The following CALCOCO2 variants were observed in gnomAD, a reference collection of about 807,000 sequenced individuals.
CALCOCO2 encodes the protein calcium binding and coiled-coil domain 2.
CALCOCO2 carries 42 observed loss-of-function variants against 62.5 expected under a neutral mutation model. That is an observed-to-expected ratio of 0.67 (90% CI 0.53 to 0.87). The LOEUF (loss-of-function observed/expected upper bound fraction) is 0.87, where lower values mean the gene tolerates loss of function less well. CALCOCO2 is among the 40% of genes least tolerant of loss of function. The pLI, the probability that CALCOCO2 is intolerant of heterozygous loss-of-function variation, is 0.00. For missense variants in CALCOCO2, 456 were observed against 515.0 expected (o/e 0.89, Z 1.11); for synonymous variants, 167 against 173.0 (o/e 0.97, Z 0.27).
intron 1 of CALCOCO2, among the ~76,000 whole-genome samples, chr17:48,832,968 G>T (rs188082879): frequency 6.6e-6 from 1 of 152,132 alleles, no homozygotes; most frequent in East Asian, 1.9e-4. Flanking sequence ...AGTAATAAAG[G>T]CCTCCTGGGG....
chr17:48,857,985 A>AATAGGATAGGATAGGATAGGATAGG (rs2040247538), intron 10 of CALCOCO2, among the ~76,000 whole-genome samples: 1 of 17,430 alleles, frequency 5.7e-5, no homozygotes, highest in Non-Finnish European at 1.4e-4. Context: ...AATAGAATAG[A>AATAGGATAGGATAGGATAGGATAGG]ATAGAATAGA....
At chr17:48,862,780 C>G in intron 12 of CALCOCO2, 58 bp from the exon 13 acceptor site, 1 of 1,432,922 alleles carries the variant, frequency 7.0e-7, no homozygotes, top group Admixed American at 1.7e-5. Flanking sequence ...GACAGGATGG[C>G]CACATCTGTG....
intron 9 of CALCOCO2, among the ~76,000 whole-genome samples, chr17:48,854,604 C>T (rs1382785232): frequency 6.7e-6 from 1 of 149,762 alleles, no homozygotes; most frequent in Admixed American, 6.7e-5. Context: ...CGGGGTTTTG[C>T]CATGTTGGCT....
At chr17:48,845,745 G>A (rs200220804) in intron 2 of CALCOCO2, among the ~76,000 whole-genome samples, 119 of 118,944 alleles carry the variant, frequency 1.0e-3, no homozygotes, top group Middle Eastern at 4.5e-3. Context: ...AAAAAAAAAA[G>A]AAAAGAAAAG....
chr17:48,849,137 G>A (rs2040092077), intron 4 of CALCOCO2, 115 bp from the exon 5 acceptor site: 5 of 906,138 alleles, frequency 5.5e-6, no homozygotes, highest in Admixed American at 2.1e-5. Flanking sequence ...CCCCATCTGG[G>A]ATACATAGGT....
rs148291393 is a variant in CALCOCO2 at position 48,847,278 on chromosome 17, C to T, written c.181-786C>T. ...GTAGTATATCCAGGTTGGTATATGA[C>T]AAGGCTTAATTGGACACAATAGAGG... On this transcript the variant is annotated intron_variant, in intron 2 of 12. Transcript: ENST00000258947. 4.6e-5 allele frequency among the ~76,000 whole-genome samples: 7 copies of T among 151,940 alleles called. No homozygotes were observed. In the East Asian group the frequency reaches 1.4e-3, roughly 29 times the overall value.
At chr17:48,857,359 G>A (rs2040232794) in intron 10 of CALCOCO2, among the ~76,000 whole-genome samples, 1 of 151,514 alleles carries the variant, frequency 6.6e-6, no homozygotes, top group Admixed American at 6.6e-5. Flanking sequence ...CACCACGCCT[G>A]GCTAGTTTTG....
At chr17:48,838,118 C>G (rs992637871) in intron 1 of CALCOCO2, among the ~76,000 whole-genome samples, 5 of 151,806 alleles carry the variant, frequency 3.3e-5, no homozygotes, top group Non-Finnish European at 5.9e-5. Context: ...AATTCCTGTC[C>G]CTTTTAAGGG....
Position 48,865,212 on chromosome 17 carries a change from A to G in CALCOCO2, c.*2207A>G, listed in dbSNP as rs1310839303. 1 of 152,096 alleles carries G rather than the reference A, an allele frequency of 6.6e-6. No homozygotes were observed. Among genetic ancestry groups the G allele is most frequent in the Non-Finnish European group, 1.5e-5 (1 of 68,022 alleles). 9.4% of individuals were successfully genotyped at this position (152,096 alleles called of 1,614,324 possible). On this transcript the variant is annotated 3_prime_UTR_variant, in exon 13 of 13. Coordinates refer to ENST00000258947, the MANE Select transcript of CALCOCO2 (RefSeq NM_005831.5). ...TCTTACCAAGGCTTTGAAGGGGGAA[A>G]TTATGCTCTAGGCAGCCACTAGTAG...
intron 1 of CALCOCO2, among the ~76,000 whole-genome samples, chr17:48,839,209 A>G (rs1359828352): frequency 6.6e-6 from 1 of 151,524 alleles, no homozygotes; most frequent in African/African-American, 2.4e-5. Flanking sequence ...GGGTTTCACC[A>G]TGTTAGCCAG....
In CALCOCO2 at chr17:48,852,544, T is replaced by C; in HGVS notation, c.741T>C (p.Leu247=). The C allele has an allele frequency of 6.2e-7, 1 of 1,613,410 alleles. No individual in the cohort carries two copies. Among genetic ancestry groups the C allele is most frequent in the African/African-American group, 1.3e-5 (1 of 74,914 alleles). The part of the protein sequence containing the change: ...LSTQEKEMEK[L]VQGDQDKTEQ... ...CTCAAGAGAAAGAAATGGAGAAGCTTGTTCAGGGAGATCAAGATAAGACAG... is the reference window on the plus strand; with the variant it reads ...CTCAAGAGAAAGAAATGGAGAAGCTCGTTCAGGGAGATCAAGATAAGACAG... The change falls in exon 8 of 13, where the codon CTT becomes CTC. Residue 247 remains leucine (L), a synonymous_variant. Coordinates refer to ENST00000258947, the MANE Select transcript of CALCOCO2 (RefSeq NM_005831.5).
chr17:48,858,073 A>ATAGAATAGAAT (rs2040270370), intron 10 of CALCOCO2, among the ~76,000 whole-genome samples: 1 of 148,394 alleles, frequency 6.7e-6, no homozygotes, highest in Non-Finnish European at 1.5e-5. Context: ...ATAGAATAGA[A>ATAGAATAGAAT]TTTTACCATC....
chr17:48,854,382 T>A (rs8073521), intron 9 of CALCOCO2, among the ~76,000 whole-genome samples: 555 of 5,934 alleles, frequency 0.094, 63 homozygotes, highest in East Asian at 0.56. Context: ...TTTCTTTTAT[T>A]TATATATATA....
chr17:48,835,059 T>A (rs1041491440), intron 1 of CALCOCO2, among the ~76,000 whole-genome samples: 45 of 150,956 alleles, frequency 3.0e-4, no homozygotes, highest in African/African-American at 9.8e-4. Context: ...GCAAAAAAAA[T>A]AATTCTCTTT....
intron 4 of CALCOCO2, 68 bp downstream of exon 4, chr17:48,848,523 T>C: frequency 7.0e-7 from 1 of 1,438,508 alleles, no homozygotes; most frequent in Admixed American, 1.7e-5. Flanking sequence ...AGGATGGAAT[T>C]TGAGTTAATA....
At position 48,864,229 on chromosome 17, in the gene CALCOCO2, A is replaced by G. The variant is rs1239144284; in HGVS notation, c.*1224A>G. On this transcript the variant is annotated 3_prime_UTR_variant, in exon 13 of 13. Transcript: ENST00000258947. The stretch of plus-strand genomic sequence containing the variant: ...CAGGTGTGTGCCGCAATGCCCAGCT[A>G]ATTTTTGTGTTTTTAGTAGAGACAG... 1 of 152,042 alleles carries G rather than the reference A, an allele frequency of 6.6e-6. No individual in the cohort carries two copies. The highest frequency in any genetic ancestry group is 1.5e-5 in the Non-Finnish European group (1 of 68,060). 9.4% of individuals were successfully genotyped at this position (152,042 alleles called of 1,614,324 possible).
intron 1 of CALCOCO2, among the ~76,000 whole-genome samples, chr17:48,834,785 C>T (rs139773488): frequency 3.3e-4 from 51 of 152,270 alleles, no homozygotes; most frequent in African/African-American, 1.1e-3. Context: ...TAGTGACTCA[C>T]GCCTGTAATC....
intron 11 of CALCOCO2, 143 bp from the exon 12 acceptor site, chr17:48,862,133 G>A (rs12451265): frequency 0.071 from 50,376 of 714,012 alleles, 3,306 homozygotes; most frequent in African/African-American, 0.26. Context: ...CAGAAGTAAC[G>A]GTATATATAT....
At chr17:48,851,713 T>C in intron 7 of CALCOCO2, 85 bp downstream of exon 7, 1 of 790,998 alleles carries the variant, frequency 1.3e-6, no homozygotes, top group Non-Finnish European at 2.3e-6. Context: ...ATGTATTTCA[T>C]TGCAGTGAGT....
Sources: allele counts gnomAD v4.1 joint callset (sites outside exome capture counted in the v4.1 genomes callset), GRCh38; gene constraint gnomAD v4.1.1; transcripts MANE v1.5; gene names NCBI Gene and HGNC (gene_info 2026-07-23, HGNC 2026-07-21).